Variants in PAWR observed in about 807,000 individuals in gnomAD.
The protein encoded by PAWR is pro-apoptotic WT1 regulator.
PAWR carries 23 observed loss-of-function variants against 32.0 expected under a neutral mutation model. That is an observed-to-expected ratio of 0.72 (90% CI 0.52 to 1.02). The LOEUF (loss-of-function observed/expected upper bound fraction) is 1.02, where lower values mean the gene tolerates loss of function less well. PAWR is among the 50% of genes least tolerant of loss of function. The pLI is 0.00. For missense variants in PAWR, 457 were observed against 437.7 expected (o/e 1.04, Z -0.39); for synonymous variants, 226 against 187.1 (o/e 1.21, Z -1.70).
chr12:79,600,707 T>C (rs1158376746), intron 4 of PAWR, among the ~76,000 whole-genome samples: 1 of 147,530 alleles, frequency 6.8e-6, no homozygotes, highest in South Asian at 2.2e-4. Flanking sequence ...CAGGCTGGTC[T>C]CAAACTCCTG....
chr12:79,640,927 G>C (rs1876293931), intron 2 of PAWR, among the ~76,000 whole-genome samples: 1 of 152,118 alleles, frequency 6.6e-6, no homozygotes, highest in Non-Finnish European at 1.5e-5. Flanking sequence ...GTGTATCTGA[G>C]AGTTTGAAGT....
At chr12:79,679,854 G>A (rs1414121592) in intron 2 of PAWR, among the ~76,000 whole-genome samples, 2 of 152,114 alleles carry the variant, frequency 1.3e-5, no homozygotes, top group Non-Finnish European at 1.5e-5. Flanking sequence ...AAATATCTCT[G>A]AAATCTATTC....
At chr12:79,606,534 C>T (rs1874190198) in intron 4 of PAWR, among the ~76,000 whole-genome samples, 1 of 152,058 alleles carries the variant, frequency 6.6e-6, no homozygotes, top group Admixed American at 6.6e-5. Flanking sequence ...CATTGTACTA[C>T]AGCTAAAACA....
At chr12:79,663,887 A>T (rs1218996363) in intron 2 of PAWR, among the ~76,000 whole-genome samples, 1 of 152,234 alleles carries the variant, frequency 6.6e-6, no homozygotes, top group Non-Finnish European at 1.5e-5. Context: ...ATCCCAGTTA[A>T]CTGAAGAGTA....
At chr12:79,648,562 C>T (rs570670237) in intron 2 of PAWR, among the ~76,000 whole-genome samples, 103 of 149,006 alleles carry the variant, frequency 6.9e-4, no homozygotes, top group South Asian at 3.0e-3. Context: ...GCGGGGGGAT[C>T]GCTTGAGCAA....
chr12:79,667,135 T>G (rs1329791452), intron 2 of PAWR, among the ~76,000 whole-genome samples: 1 of 152,204 alleles, frequency 6.6e-6, no homozygotes, highest in African/African-American at 2.4e-5. Context: ...TGTCAGGACC[T>G]CCAGAGGCTG....
chr12:79,638,239 G>A (rs1420241852), intron 2 of PAWR, among the ~76,000 whole-genome samples: 1 of 151,568 alleles, frequency 6.6e-6, no homozygotes, highest in Admixed American at 6.6e-5. Context: ...GGCAAATAGG[G>A]GTTTCACTGA....
At chr12:79,676,122 C>T (rs1193608841) in intron 2 of PAWR, among the ~76,000 whole-genome samples, 1 of 151,880 alleles carries the variant, frequency 6.6e-6, no homozygotes, top group Non-Finnish European at 1.5e-5. Flanking sequence ...GCTTTCCTCA[C>T]CTGTAAAATA....
At position 79,588,343 on chromosome 12, in the gene PAWR, G is replaced by C. The variant is rs1873446588; in HGVS notation, c.*4264C>G. The C allele has an allele frequency of 1.3e-5, 2 of 151,856 alleles. No homozygotes were observed. Among genetic ancestry groups the C allele is most frequent in the South Asian group, 4.1e-4 (2 of 4,824 alleles). 9.4% of individuals were successfully genotyped at this position (151,856 alleles called of 1,614,324 possible). ...ACATTTAAATACCATCAACAGTTTG[G>C]TGTATCTGATATAACTGAATTCATT... On this transcript the variant is annotated 3_prime_UTR_variant, in exon 7 of 7. Transcript: ENST00000328827.
intron 4 of PAWR, among the ~76,000 whole-genome samples, chr12:79,605,038 T>C (rs1250363663): frequency 3.9e-5 from 6 of 151,950 alleles, no homozygotes; most frequent in Non-Finnish European, 8.8e-5. Flanking sequence ...ATCACATGAA[T>C]AGTTCTCAGA....
In PAWR at chr12:79,621,195, A is replaced by G. The variant is rs778937735; in HGVS notation, c.529T>C (p.Tyr177His). The change falls in exon 3 of 7, where the codon TAC (tyrosine) becomes CAC (histidine). Residue 177 changes from tyrosine (Y) to histidine (H), a missense_variant. By Grantham distance (83) the Tyr-to-His change is moderately conservative. Coordinates refer to ENST00000328827, the MANE Select transcript of PAWR (RefSeq NM_002583.4). Reference protein sequence around the residue: ...NIPAAECLDEYEDDEAGQKER... With the variant: ...NIPAAECLDEHEDDEAGQKER... ...TTCTGCCCTGCTTCATCATCTTCGT[A>G]CTCATCTAAGCACTGAAAGAAAAAA... 2.5e-6 allele frequency: 4 copies of G among 1,610,070 alleles called. No homozygotes were observed. In the Admixed American group the frequency reaches 6.7e-5, roughly 27 times the overall value.
chr12:79,675,499 A>G (rs1565702216), intron 2 of PAWR, among the ~76,000 whole-genome samples: 1 of 152,172 alleles, frequency 6.6e-6, no homozygotes, highest in African/African-American at 2.4e-5. Flanking sequence ...CCCCATCAAC[A>G]GTTGATTGGA....
chr12:79,644,654 T>C (rs1237761831), intron 2 of PAWR, among the ~76,000 whole-genome samples: 1 of 152,184 alleles, frequency 6.6e-6, no homozygotes, highest in Non-Finnish European at 1.5e-5. Flanking sequence ...CTTCCTGCTT[T>C]TTTATTTTGT....
intron 2 of PAWR, among the ~76,000 whole-genome samples, chr12:79,642,703 A>C (rs1172230028): frequency 1.3e-5 from 2 of 152,096 alleles, no homozygotes; most frequent in Non-Finnish European, 2.9e-5. Flanking sequence ...ATATCTGCAA[A>C]TCTCCAAATA....
chr12:79,645,553 T>G (rs759446397), intron 2 of PAWR, among the ~76,000 whole-genome samples: 11 of 152,200 alleles, frequency 7.2e-5, no homozygotes, highest in Non-Finnish European at 1.3e-4. Context: ...AATCCAGCTG[T>G]GGCCTAAGGA....
At chr12:79,637,828 A>T (rs2136761687) in intron 2 of PAWR, among the ~76,000 whole-genome samples, 1 of 152,282 alleles carries the variant, frequency 6.6e-6, no homozygotes, top group Middle Eastern at 3.4e-3. Flanking sequence ...GAAAAAAGAA[A>T]AATCATTCTT....
chr12:79,641,556 G>A (rs1275361665), intron 2 of PAWR, among the ~76,000 whole-genome samples: 2 of 151,974 alleles, frequency 1.3e-5, no homozygotes, highest in Non-Finnish European at 1.5e-5. Flanking sequence ...GATTAAGAAA[G>A]TCATATGATT....
intron 2 of PAWR, among the ~76,000 whole-genome samples, chr12:79,645,740 T>A (rs1876544937): frequency 6.6e-6 from 1 of 152,370 alleles, no homozygotes; most frequent in East Asian, 1.9e-4. Context: ...ACATTATTAA[T>A]ATTATATGGA....
chr12:79,674,996 T>C (rs1336011954), intron 2 of PAWR, among the ~76,000 whole-genome samples: 2 of 152,056 alleles, frequency 1.3e-5, no homozygotes, highest in Non-Finnish European at 2.9e-5. Context: ...GGAAAGCAGT[T>C]TGGAGATTTC....
Sources: allele counts gnomAD v4.1 joint callset (sites outside exome capture counted in the v4.1 genomes callset), GRCh38; gene constraint gnomAD v4.1.1; transcripts MANE v1.5; gene names NCBI Gene and HGNC (gene_info 2026-07-23, HGNC 2026-07-21).